The following STK10 variants were observed in gnomAD, a reference collection of about 807,000 sequenced individuals.
STK10 encodes the protein serine/threonine kinase 10, also known as serine/threonine-protein kinase 10.
In STK10, 78 loss-of-function variants were observed where a neutral mutation model predicts 113.8. That is an observed-to-expected ratio of 0.69 (90% CI 0.57 to 0.83). STK10 has a LOEUF of 0.83. Among genes scored for constraint, STK10 ranks in the 40% least tolerant of loss-of-function variants. The probability of loss-of-function intolerance (pLI) is 0.00; values close to 1 mark genes in which losing one functional copy is unlikely to be tolerated. For synonymous variants in STK10, 465 were observed against 494.7 expected (o/e 0.94, Z 0.80); for missense variants, 1,109 against 1,280.1 (o/e 0.87, Z 2.04).
chr5:172,136,295 T>C (rs149358810), intron 2 of STK10, among the ~76,000 whole-genome samples: 2 of 152,144 alleles, frequency 1.3e-5, no homozygotes, highest in African/African-American at 4.8e-5. Context: ...GACTGAACAG[T>C]AATTTAAAAC....
Position 172,187,212 on chromosome 5 carries a change from A to G in STK10, c.156+675T>C, listed in dbSNP as rs1770966763. On this transcript the variant is annotated intron_variant, in intron 1 of 18. Transcript: ENST00000176763. This position sits in a 1 kb window ranked among gnomAD's most constrained non-coding sequence, Gnocchi z 4.6. ...TCTGCCGCGTCTTCCTCTAGGGGAG[A>G]GGTGACTGCAGGCTGGGAGACTCCC... is the stretch of plus-strand genomic sequence containing the variant. Among the ~76,000 whole-genome samples the G allele has an allele frequency of 6.6e-6, 1 of 151,896 alleles. No homozygotes were observed. The highest frequency in any genetic ancestry group is 2.4e-5 in the African/African-American group (1 of 41,306).
At chr5:172,121,172 G>T (rs1039804477) in intron 3 of STK10, among the ~76,000 whole-genome samples, 1 of 151,818 alleles carries the variant, frequency 6.6e-6, no homozygotes, top group African/African-American at 2.4e-5. Flanking sequence ...GGGATGACAG[G>T]CATGTGCCAC....
intron 1 of STK10, among the ~76,000 whole-genome samples, chr5:172,175,058 C>A (rs1272285801): frequency 6.6e-6 from 1 of 152,170 alleles, no homozygotes; most frequent in East Asian, 1.9e-4. Context: ...CCCTGTCACC[C>A]AGACTGGAGT....
At chr5:172,180,471 GAA>G (rs1770831079) in intron 1 of STK10, among the ~76,000 whole-genome samples, 1 of 149,834 alleles carries the variant, frequency 6.7e-6, no homozygotes, top group African/African-American at 2.5e-5. Flanking sequence ...TCTCAAAAAA[GAA>G]AGTCTAGCCT....
intron 17 of STK10, chr5:172,053,324 C>A: frequency 2.9e-6 from 1 of 347,510 alleles, no homozygotes. Context: ...AGGCAGCTGT[C>A]CGCAAGCCAG....
chr5:172,117,704 A>C (rs1769418304), intron 3 of STK10, 74 bp from the exon 4 acceptor site: 1 of 1,581,182 alleles, frequency 6.3e-7, no homozygotes. Flanking sequence ...GGCCCACGCC[A>C]GGGAGAAATA....
intron 12 of STK10, among the ~76,000 whole-genome samples, chr5:172,073,763 A>G (rs1428163581): frequency 7.3e-6 from 1 of 136,970 alleles, no homozygotes; most frequent in South Asian, 2.3e-4. Context: ...CTTGGCCAAC[A>G]TGGTGAAACC....
At chr5:172,134,867 C>T (rs757884248) in intron 2 of STK10, among the ~76,000 whole-genome samples, 10 of 150,332 alleles carry the variant, frequency 6.7e-5, no homozygotes, top group East Asian at 3.9e-4. Context: ...GAGAATGCAG[C>T]GTGCAATAAT....
chr5:172,069,988 C>T (rs1408831827), intron 12 of STK10, among the ~76,000 whole-genome samples: 2 of 152,196 alleles, frequency 1.3e-5, no homozygotes, highest in Non-Finnish European at 2.9e-5. Flanking sequence ...TGGCTCATGC[C>T]TGTAATCCCA....
chr5:172,095,523 G>A (rs1018018784), intron 8 of STK10, among the ~76,000 whole-genome samples: 4 of 152,244 alleles, frequency 2.6e-5, no homozygotes, highest in African/African-American at 9.6e-5. Flanking sequence ...TCTGTAAGCT[G>A]GAGCTTGGTT....
At chr5:172,127,557 T>C in intron 2 of STK10, 136 bp from the exon 3 acceptor site, 1 of 832,460 alleles carries the variant, frequency 1.2e-6, no homozygotes, top group African/African-American at 1.7e-5. Flanking sequence ...TTCCTCCTCC[T>C]GCCTTGGGAG....
At chr5:172,055,549 C>A in intron 16 of STK10, 39 bp downstream of exon 16, 2 of 1,408,130 alleles carry the variant, frequency 1.4e-6, no homozygotes, top group Non-Finnish European at 1.9e-6. Flanking sequence ...CCTGCCTACA[C>A]CCCAGCACAC....
At chr5:172,112,250 T>G (rs1247479769) in intron 4 of STK10, among the ~76,000 whole-genome samples, 1 of 152,124 alleles carries the variant, frequency 6.6e-6, no homozygotes, top group African/African-American at 2.4e-5. Flanking sequence ...GGTACTCCAG[T>G]AGAAGATTAT....
chr5:172,055,484 A>C (rs1344451074), intron 16 of STK10, 104 bp downstream of exon 16: 4 of 1,172,556 alleles, frequency 3.4e-6, no homozygotes, highest in Non-Finnish European at 4.4e-6. Context: ...GCCAGCCTGC[A>C]TCTTGTTTCA....
chr5:172,169,544 C>T (rs1448070738), intron 1 of STK10, among the ~76,000 whole-genome samples: 1 of 151,976 alleles, frequency 6.6e-6, no homozygotes, highest in Non-Finnish European at 1.5e-5. Flanking sequence ...GAAGGATGGA[C>T]AGATGCATGG....
At position 172,188,023 on chromosome 5, in the gene STK10, C is replaced by A; in HGVS notation, c.20G>T (p.Arg7Leu). 6.2e-7 allele frequency: 1 copy of A among 1,612,802 alleles called. No individual in the cohort carries two copies. Among genetic ancestry groups the A allele is most frequent in the Non-Finnish European group, 8.5e-7 (1 of 1,179,610 alleles). ...GAAGGTAGACAGGCGCAGGATGCGG[C>A]GGAAATTGGCAAAAGCCATGGCCGG... MAFANF[R>L]RILRLSTFEK... Residue 7 changes from arginine (R) to leucine (L), a missense_variant, in exon 1 of 19, where the codon CGC (arginine) becomes CTC (leucine). Arg to Leu is a moderately radical substitution (Grantham distance 102). Transcript: ENST00000176763. This position sits in a 1 kb window ranked among gnomAD's most constrained non-coding sequence, Gnocchi z 5.6.
chr5:172,101,208 C>T (rs1381498713), intron 7 of STK10, among the ~76,000 whole-genome samples: 1 of 151,976 alleles, frequency 6.6e-6, no homozygotes, highest in Non-Finnish European at 1.5e-5. Flanking sequence ...TGGTGGCTCA[C>T]GCCTGTAATC....
intron 4 of STK10, among the ~76,000 whole-genome samples, chr5:172,114,361 CATT>C (rs1258212102): frequency 6.3e-5 from 9 of 143,564 alleles, no homozygotes; most frequent in Admixed American, 1.4e-4. Context: ...ATTAAAAACT[CATT>C]ATTTTTCAGA....
At chr5:172,150,808 T>C (rs1056024302) in intron 2 of STK10, among the ~76,000 whole-genome samples, 10 of 152,136 alleles carry the variant, frequency 6.6e-5, no homozygotes, top group African/African-American at 2.4e-4. Context: ...TACAGAATGC[T>C]CAGTTTGAGG....
Sources: allele counts gnomAD v4.1 joint callset (sites outside exome capture counted in the v4.1 genomes callset), GRCh38; gene constraint gnomAD v4.1.1; non-coding constraint Gnocchi (gnomAD v3.1); transcripts MANE v1.5; gene names NCBI Gene and HGNC (gene_info 2026-07-23, HGNC 2026-07-21).